The following TNRC6B variants were observed in gnomAD, a reference collection of about 807,000 sequenced individuals.
TNRC6B encodes the protein trinucleotide repeat-containing gene 6B protein.
Under a neutral mutation model 203.6 loss-of-function variants are expected in TNRC6B, and 52 were observed. That is an observed-to-expected ratio of 0.26 (90% CI 0.20 to 0.32). TNRC6B has a LOEUF of 0.32. Ranked by LOEUF, TNRC6B falls within the 10% of genes least tolerant of loss-of-function variation. The pLI is 1.00. For missense variants in TNRC6B, 1,923 were observed against 2,286.2 expected (o/e 0.84, Z 3.24); for synonymous variants, 838 against 845.7 (o/e 0.99, Z 0.16).
chr22:40,071,798 T>A (rs1020615824), intron 1 of TNRC6B, among the ~76,000 whole-genome samples: 1 of 152,206 alleles, frequency 6.6e-6, no homozygotes. Context: ...TAACTGGCAG[T>A]TATAGCTTTT....
chr22:40,317,568 C>G (rs951656401), intron 21 of TNRC6B, among the ~76,000 whole-genome samples: 2 of 152,176 alleles, frequency 1.3e-5, no homozygotes, highest in Non-Finnish European at 2.9e-5. Flanking sequence ...CAGAGCGAGA[C>G]TCCATCTGAA....
chr22:40,270,205 G>A lies in TNRC6B; in HGVS notation c.2890G>A (p.Glu964Lys), dbSNP rs1394206729. The change falls in exon 6 of 23, where the codon GAG becomes AAG. Residue 964 changes from glutamate to lysine, a missense_variant. Transcript: ENST00000454349. ...AAATGAAAGCAGTCCTGGGTGGGGC[G>A]AGATGGATGATACAGGAGCATCGAC... ...EPNESSPGWGEMDDTGASTTG... is the reference protein window; with the variant it reads ...EPNESSPGWGKMDDTGASTTG... 4 of 1,559,160 alleles carry A rather than the reference G, an allele frequency of 2.6e-6. No individual in the cohort carries two copies. Among genetic ancestry groups the A allele is most frequent in the East Asian group, 2.4e-5 (1 of 41,630 alleles).
At chr22:40,098,603 A>G (rs561000929) in intron 1 of TNRC6B, among the ~76,000 whole-genome samples, 8 of 152,242 alleles carry the variant, frequency 5.3e-5, no homozygotes, top group African/African-American at 1.9e-4. Flanking sequence ...AGTGAAATGT[A>G]TTAGTAATTT....
chr22:40,217,739 C>T (rs1451641908), intron 1 of TNRC6B, among the ~76,000 whole-genome samples: 4 of 152,016 alleles, frequency 2.6e-5, no homozygotes, highest in African/African-American at 9.7e-5. Flanking sequence ...CTTTGGGAGG[C>T]CGAGGTGGGT....
chr22:40,320,684 C>G (rs1255472311), intron 21 of TNRC6B, among the ~76,000 whole-genome samples: 3 of 152,142 alleles, frequency 2.0e-5, no homozygotes, highest in Non-Finnish European at 4.4e-5. Flanking sequence ...GAAATAGTCT[C>G]ACCTTGAGAT....
rs962034744 is a variant in TNRC6B at position 40,332,706 on chromosome 22, T to G, written c.*9465T>G. On this transcript the variant is annotated 3_prime_UTR_variant, in exon 23 of 23. Transcript: ENST00000454349. ...AAAAATAAAATCCTGACGTTTCAAC[T>G]GTCTCACACAAAATAATACCTCGAG... 1 of 152,592 alleles carries G rather than the reference T, an allele frequency of 6.6e-6. No homozygotes were observed. The highest frequency in any genetic ancestry group is 2.4e-5 in the African/African-American group (1 of 41,426). 9.5% of individuals were successfully genotyped at this position (152,592 alleles called of 1,614,324 possible). A position where few individuals can be genotyped will look rare whatever the true frequency, so the allele number is the denominator to read the frequency against.
intron 1 of TNRC6B, among the ~76,000 whole-genome samples, chr22:40,193,599 A>G (rs937514256): frequency 1.3e-5 from 2 of 152,152 alleles, no homozygotes; most frequent in African/African-American, 2.4e-5. Flanking sequence ...GTTGACTTGT[A>G]CCTGGAAGAG....
chr22:40,265,466 A>G lies in TNRC6B; in HGVS notation c.1236A>G (p.Gln412=). 6.2e-7 allele frequency: 1 copy of G among 1,614,018 alleles called. No individual in the cohort carries two copies. The change falls in exon 5 of 23, where the codon CAA becomes CAG. Residue 412 remains glutamine (Q), a synonymous_variant. Transcript: ENST00000454349. ...CCAGGAGCACTGATGCCCCTTCACA[A>G]AGCACTGGAGATCGAAAGACTGGGA... ...NTSRSTDAPS[Q]STGDRKTGSV... is the part of the protein sequence containing the mutation.
At chr22:40,306,854 G>A (rs2071092936) in intron 15 of TNRC6B, among the ~76,000 whole-genome samples, 1 of 152,132 alleles carries the variant, frequency 6.6e-6, no homozygotes, top group African/African-American at 2.4e-5. Context: ...GGGCATGGCT[G>A]TGGTGTGCCT....
In TNRC6B at chr22:40,301,156, C is replaced by T; in HGVS notation, c.3943C>T (p.Arg1315Ter). 1 of 1,550,264 alleles carries T rather than the reference C, an allele frequency of 6.5e-7. No homozygotes were observed. Among genetic ancestry groups the T allele is most frequent in the African/African-American group, 1.4e-5 (1 of 71,506 alleles). ...VRQQQEQQLA[R>*]MVSALQQQQQ... ...TGTCTCTCTTGGCCCTCAGCTGGCT[C>T]GAATGGTGAGTGCACTGCAGCAGCA... Residue 1315 changes from arginine to a stop codon, truncating the protein, a stop_gained, in exon 15 of 23, where the codon CGA (arginine) becomes TGA (stop). Coordinates refer to ENST00000454349, the MANE Select transcript of TNRC6B (RefSeq NM_001162501.2). LOFTEE classifies it high-confidence loss of function.
At chr22:40,204,104 A>G (rs1178168921) in intron 1 of TNRC6B, among the ~76,000 whole-genome samples, 2 of 152,240 alleles carry the variant, frequency 1.3e-5, no homozygotes, top group Non-Finnish European at 2.9e-5. Flanking sequence ...TTTGAGCAAA[A>G]TACTTAACTC....
intron 4 of TNRC6B, among the ~76,000 whole-genome samples, chr22:40,159,786 T>C (rs1057229633): frequency 2.0e-5 from 3 of 152,176 alleles, no homozygotes; most frequent in African/African-American, 4.8e-5. Flanking sequence ...ACTTAACTTT[T>C]GTAATTTGAG....
chr22:40,262,360 T>C (rs1000274757), intron 4 of TNRC6B, among the ~76,000 whole-genome samples, 187 bp downstream of exon 4: 1 of 152,202 alleles, frequency 6.6e-6, no homozygotes, highest in Non-Finnish European at 1.5e-5. Context: ...TAGTGTTCCG[T>C]AAGTGTGTGC....
chr22:40,107,489 G>A (rs1405985340), intron 1 of TNRC6B, among the ~76,000 whole-genome samples: 2 of 152,028 alleles, frequency 1.3e-5, no homozygotes, highest in Non-Finnish European at 2.9e-5. Flanking sequence ...TTGTTAAGGG[G>A]CCTTAATGAA....
intron 1 of TNRC6B, among the ~76,000 whole-genome samples, chr22:40,221,637 T>C (rs1239279529): frequency 6.6e-6 from 1 of 151,864 alleles, no homozygotes; most frequent in Non-Finnish European, 1.5e-5. Flanking sequence ...GGGGTTCCGG[T>C]ATGTTGGCCA....
At chr22:40,177,294 G>A (rs1206121780), upstream of TNRC6B, among the ~76,000 whole-genome samples, 1 of 152,138 alleles carries the variant, frequency 6.6e-6, no homozygotes, top group Non-Finnish European at 1.5e-5. Flanking sequence ...TGGGTTTGGG[G>A]GAGGAGGTAC....
chr22:40,082,555 A>G (rs551100210), intron 1 of TNRC6B, among the ~76,000 whole-genome samples: 1 of 152,346 alleles, frequency 6.6e-6, no homozygotes, highest in African/African-American at 2.4e-5. Flanking sequence ...TTCCTTTTAC[A>G]GTATGATGCT....
At chr22:40,184,338 T>C (rs2069174781) in intron 1 of TNRC6B, among the ~76,000 whole-genome samples, 1 of 152,134 alleles carries the variant, frequency 6.6e-6, no homozygotes, top group Non-Finnish European at 1.5e-5. Context: ...AGATAACAGC[T>C]TCTGCAAAGA....
chr22:40,306,651 GA>G (rs1294097772), intron 15 of TNRC6B, among the ~76,000 whole-genome samples: 1 of 152,056 alleles, frequency 6.6e-6, no homozygotes, highest in African/African-American at 2.4e-5. Flanking sequence ...TACCCAGGAT[GA>G]AAGAAATTTA....
Sources: gnomAD v4.1 joint callset for allele counts (sites outside exome capture counted in the v4.1 genomes callset) on GRCh38, gnomAD v4.1.1 for gene constraint, MANE v1.5 for transcripts, NCBI Gene and HGNC (gene_info 2026-07-23, HGNC 2026-07-21) for gene names.